The following NEK1 variants were observed in gnomAD, a reference collection of about 807,000 sequenced individuals.
NEK1 encodes NIMA related kinase 1.
NEK1 carries 137 observed loss-of-function variants against 182.1 expected under a neutral mutation model. That is an observed-to-expected ratio of 0.75 (90% CI 0.65 to 0.87). The LOEUF (loss-of-function observed/expected upper bound fraction) is 0.87. Among genes scored for constraint, NEK1 ranks in the 40% least tolerant of loss-of-function variants. The pLI, the probability that NEK1 is intolerant of heterozygous loss-of-function variation, is 0.00. For missense variants in NEK1, 1,391 were observed against 1,494.4 expected (o/e 0.93, Z 1.14); for synonymous variants, 513 against 492.2 (o/e 1.04, Z -0.56).
chr4:169,395,370 C>T (rs1253180494), intron 35 of NEK1, among the ~76,000 whole-genome samples: 1 of 152,062 alleles, frequency 6.6e-6, no homozygotes, highest in African/African-American at 2.4e-5. Context: ...TCATTCCCCA[C>T]CTTCCTTAAC....
rs1761291971 is a variant in NEK1 at position 169,550,677 on chromosome 4, G to A, written c.1562+5043C>T. Among the ~76,000 whole-genome samples, 3 of 152,126 alleles carry A rather than the reference G, an allele frequency of 2.0e-5. 1 individual carries two copies. The South Asian group carries it at 6.2e-4, about 32-fold the overall frequency. The stretch of plus-strand genomic sequence containing the variant: ...ACTGAACAGAACCACTGCTCCTAGG[G>A]TAAATGCAGAGTTAGACTCCTGGAT... On this transcript the variant is annotated intron_variant, in intron 18 of 35. Coordinates refer to ENST00000507142, the MANE Select transcript of NEK1 (RefSeq NM_001199397.3).
At chr4:169,405,375 A>G (rs547757844) in intron 32 of NEK1, among the ~76,000 whole-genome samples, 22 of 152,348 alleles carry the variant, frequency 1.4e-4, no homozygotes, top group Admixed American at 9.8e-4. Context: ...AACACTGTAT[A>G]AAAGATAAAA....
In NEK1 at chr4:169,537,850, G is replaced by A. The variant is rs765158830; in HGVS notation, c.1624C>T (p.Arg542Trp). 5.6e-6 allele frequency: 9 copies of A among 1,611,828 alleles called. No homozygotes were observed. Among genetic ancestry groups the A allele is most frequent in the South Asian group, 2.2e-5 (2 of 90,714 alleles). The change falls in exon 19 of 36, where the codon CGG (arginine) becomes TGG (tryptophan). Residue 542 changes from arginine (R) to tryptophan (W), a missense_variant. This residue lies in a region of NEK1 where 1,216 missense variants were observed against 1,277.6 expected (regional missense o/e 0.95). Coordinates refer to ENST00000507142, the MANE Select transcript of NEK1 (RefSeq NM_001199397.3). ...KQVEEFLQRK[R>W]EAMQNKARAE... ...CGAGCTTTATTCTGCATAGCTTCCC[G>A]TTTTCGCTGCAGGAACTCTTCTACT...
At chr4:169,570,207 G>T (rs1359036434) in intron 12 of NEK1, among the ~76,000 whole-genome samples, 40 of 106,490 alleles carry the variant, frequency 3.8e-4, no homozygotes, top group South Asian at 6.0e-4. Context: ...GGTGAGGAGC[G>T]TCTCTGCCTG....
intron 18 of NEK1, among the ~76,000 whole-genome samples, chr4:169,552,517 G>A (rs893394082): frequency 6.6e-6 from 1 of 151,996 alleles, no homozygotes; most frequent in African/African-American, 2.4e-5. Context: ...GAAGCTTTCC[G>A]GCCAACATCA....
chr4:169,449,806 C>G (rs572544443), intron 27 of NEK1, among the ~76,000 whole-genome samples: 1 of 152,190 alleles, frequency 6.6e-6, no homozygotes, highest in East Asian at 1.9e-4. Context: ...AGCAACAGAA[C>G]AAAGCTGGAC....
chr4:169,577,626 C>T (rs990902506), intron 11 of NEK1, among the ~76,000 whole-genome samples: 20 of 151,854 alleles, frequency 1.3e-4, no homozygotes, highest in Non-Finnish European at 2.8e-4. Flanking sequence ...TGGTGGTGGG[C>T]GCCTGTAGTC....
At chr4:169,603,570 G>T (rs1034069232) in intron 2 of NEK1, among the ~76,000 whole-genome samples, 1 of 152,106 alleles carries the variant, frequency 6.6e-6, no homozygotes, top group African/African-American at 2.4e-5. Flanking sequence ...AACAGTACTT[G>T]GCACATATGA....
At chr4:169,494,241 C>G (rs1184326160) in intron 23 of NEK1, among the ~76,000 whole-genome samples, 5 of 152,204 alleles carry the variant, frequency 3.3e-5, no homozygotes, top group African/African-American at 9.6e-5. Flanking sequence ...AATGCTATCC[C>G]TCCCCACTAC....
At chr4:169,572,714 A>C (rs766807293) in intron 12 of NEK1, among the ~76,000 whole-genome samples, 41 of 152,186 alleles carry the variant, frequency 2.7e-4, no homozygotes, top group Non-Finnish European at 4.7e-4. Context: ...AACCAGAAGA[A>C]TGTAATACCA....
At chr4:169,498,482 G>A (rs529933505) in intron 23 of NEK1, among the ~76,000 whole-genome samples, 30 of 152,274 alleles carry the variant, frequency 2.0e-4, no homozygotes, top group African/African-American at 7.2e-4. Context: ...ATTAGTTGAT[G>A]CAGTTTCTTA....
chr4:169,435,988 C>T (rs1738340912), intron 28 of NEK1, among the ~76,000 whole-genome samples: 1 of 152,220 alleles, frequency 6.6e-6, no homozygotes, highest in African/African-American at 2.4e-5. Context: ...ACTGCAGCCT[C>T]AAACTCTTGG....
At chr4:169,495,091 T>G (rs1750921691) in intron 23 of NEK1, among the ~76,000 whole-genome samples, 1 of 152,120 alleles carries the variant, frequency 6.6e-6, no homozygotes, top group African/African-American at 2.4e-5. Context: ...GCTCTTTATT[T>G]TAATTAGATC....
At chr4:169,601,838 TAA>T (rs796760287) in intron 4 of NEK1, among the ~76,000 whole-genome samples, 168 bp downstream of exon 4, 6 of 140,262 alleles carry the variant, frequency 4.3e-5, no homozygotes, top group East Asian at 2.0e-4. Context: ...TGTCTCAATT[TAA>T]AAAAAAAAAA....
chr4:169,580,082 A>G (rs1766362970), intron 11 of NEK1, among the ~76,000 whole-genome samples: 2 of 152,202 alleles, frequency 1.3e-5, no homozygotes, highest in Non-Finnish European at 2.9e-5. Flanking sequence ...CATATTCACA[A>G]TCTTACAATG....
chr4:169,478,616 A>T (rs891140109), intron 24 of NEK1, among the ~76,000 whole-genome samples: 1 of 151,404 alleles, frequency 6.6e-6, no homozygotes. Flanking sequence ...CAAAGGCTAT[A>T]AAAAAAAACA....
At chr4:169,459,332 A>G (rs1743510064) in intron 27 of NEK1, among the ~76,000 whole-genome samples, 1 of 152,178 alleles carries the variant, frequency 6.6e-6, no homozygotes, top group Admixed American at 6.5e-5. Context: ...AAAAACAACA[A>G]CAAGATACCA....
intron 19 of NEK1, among the ~76,000 whole-genome samples, chr4:169,513,013 C>A (rs2149712628): frequency 6.6e-6 from 1 of 152,192 alleles, no homozygotes; most frequent in East Asian, 1.9e-4. Flanking sequence ...ATAAGTTAGC[C>A]TCAAAATCAG....
chr4:169,465,325 C>A (rs1198905651), intron 26 of NEK1, among the ~76,000 whole-genome samples: 1 of 152,048 alleles, frequency 6.6e-6, no homozygotes, highest in Non-Finnish European at 1.5e-5. Flanking sequence ...CTGTCCCCCC[C>A]ACCACTGGAA....
Sources: gnomAD v4.1 joint callset for allele counts (sites outside exome capture counted in the v4.1 genomes callset) on GRCh38, gnomAD v4.1.1 for gene constraint, gnomAD v4.1.1 regional missense constraint, MANE v1.5 for transcripts, NCBI Gene and HGNC (gene_info 2026-07-23, HGNC 2026-07-21) for gene names.